Variants in SLC44A5 observed in about 807,000 individuals in gnomAD.
SLC44A5 encodes the protein solute carrier family 44 member 5.
In SLC44A5, 57 loss-of-function variants were observed where a neutral mutation model predicts 101.8. The observed-to-expected ratio is 0.56, with a 90% confidence interval of 0.45 to 0.70. The LOEUF (loss-of-function observed/expected upper bound fraction) is 0.70, where lower values mean the gene tolerates loss of function less well. SLC44A5 is among the 30% of genes least tolerant of loss of function. The pLI is 0.00. For missense variants in SLC44A5, 737 were observed against 853.1 expected, an observed-to-expected ratio of 0.86 and a Z score of 1.70; for synonymous variants, 281 against 290.9, an observed-to-expected ratio of 0.97 and a Z score of 0.35.
rs188228499 is a variant in SLC44A5 at position 75,336,315 on chromosome 1, G to A, written c.101+3267C>T. ...ATTAAAGGCACGCACCACCACACCC[G>A]GCTACTTTTGATATTTTTAGTGGAG... On this transcript the variant is annotated intron_variant, in intron 4 of 23. Transcript: ENST00000370859. Among the ~76,000 whole-genome samples the A allele has an allele frequency of 3.3e-3, 505 of 151,920 alleles. 2 individuals carry two copies. In the Middle Eastern group the frequency reaches 0.051, roughly 15 times the overall value.
chr1:75,434,722 T>A (rs375785449), intron 2 of SLC44A5, among the ~76,000 whole-genome samples: 1 of 152,078 alleles, frequency 6.6e-6, no homozygotes, highest in South Asian at 2.1e-4. Context: ...CACTATTTAG[T>A]CTTTCCACTT....
the SLC44A5 span, among the ~76,000 whole-genome samples, chr1:75,617,788 T>C: frequency 1.3e-5 from 2 of 152,218 alleles, no homozygotes; most frequent in East Asian, 3.8e-4. Context: ...CTCTTCTAGG[T>C]CTTCAAATGT....
At position 75,546,192 on chromosome 1, in the gene SLC44A5, T is replaced by A. The variant is rs867564421; in HGVS notation, c.-69-4676A>T. 7.9e-4 allele frequency among the ~76,000 whole-genome samples: 4 copies of A among 5,074 alleles called. 2 individuals are homozygous for A. Among genetic ancestry groups the A allele is most frequent in the African/African-American group, 4.7e-3 (4 of 856 alleles). 3.3% of individuals were successfully genotyped at this position (5,074 alleles called of 152,430 possible). On this transcript the variant is annotated intron_variant, in intron 1 of 23. Coordinates refer to ENST00000370859, the MANE Select transcript of SLC44A5 (RefSeq NM_001130058.2). ...TTCATAAGACTGTTCAAATTCAAAATTTTTTTTTTTTTTTTTTTTTTTTTT... is the reference window on the plus strand; with the variant it reads ...TTCATAAGACTGTTCAAATTCAAAAATTTTTTTTTTTTTTTTTTTTTTTTT...
chr1:75,629,478 A>C, the SLC44A5 span, among the ~76,000 whole-genome samples: 1 of 152,184 alleles, frequency 6.6e-6, no homozygotes, highest in African/African-American at 2.4e-5. Context: ...CACAGAAAAC[A>C]TTTACTAAAA....
the SLC44A5 span, among the ~76,000 whole-genome samples, chr1:75,673,950 A>C: frequency 6.6e-6 from 1 of 152,316 alleles, no homozygotes; most frequent in African/African-American, 2.4e-5. Context: ...GAAGGAGGAC[A>C]GGTACAAACA....
chr1:75,398,432 G>C, intron 2 of SLC44A5: 8 of 982,854 alleles, frequency 8.1e-6, no homozygotes, highest in Non-Finnish European at 9.7e-6. Flanking sequence ...CTGCCAATGA[G>C]AGGAGAAGGG....
At chr1:75,373,613 C>T (rs1614816) in intron 3 of SLC44A5, among the ~76,000 whole-genome samples, 2 of 151,916 alleles carry the variant, frequency 1.3e-5, no homozygotes, top group African/African-American at 2.4e-5. Context: ...GCTGACTGTT[C>T]GGCCAGGAGA....
At chr1:75,429,917 A>G (rs900525386) in intron 2 of SLC44A5, among the ~76,000 whole-genome samples, 2 of 152,194 alleles carry the variant, frequency 1.3e-5, no homozygotes, top group Non-Finnish European at 2.9e-5. Context: ...CCATATCAAC[A>G]TCTATTGTGC....
chr1:75,237,086 G>A lies in SLC44A5; in HGVS notation c.657-16C>T, dbSNP rs1370097602. ...ATTGATACCACTGCATTGAAAGAAGGGAAAAAATCAATTATTTTTTGATGA... is the reference window on the plus strand; with the variant it reads ...ATTGATACCACTGCATTGAAAGAAGAGAAAAAATCAATTATTTTTTGATGA... On this transcript the variant is annotated splice_polypyrimidine_tract_variant and intron_variant, in intron 10 of 23. Transcript: ENST00000370859. 4.6e-6 allele frequency: 7 copies of A among 1,521,790 alleles called. No individual in the cohort carries two copies. Among genetic ancestry groups the A allele is most frequent in the African/African-American group, 4.1e-5 (3 of 73,314 alleles). 94.3% of individuals were successfully genotyped at this position (1,521,790 alleles called of 1,614,324 possible).
chr1:75,481,381 AAC>A (rs1667836660), intron 2 of SLC44A5, among the ~76,000 whole-genome samples: 2 of 152,202 alleles, frequency 1.3e-5, no homozygotes, highest in African/African-American at 2.4e-5. Flanking sequence ...AAGCAATGGC[AAC>A]AAAAGCCAAA....
chr1:75,337,048 C>T (rs1657498745), intron 4 of SLC44A5, among the ~76,000 whole-genome samples: 1 of 152,128 alleles, frequency 6.6e-6, no homozygotes, highest in Non-Finnish European at 1.5e-5. Flanking sequence ...GAAGTTTAAA[C>T]CCATAAGTGA....
the SLC44A5 span, among the ~76,000 whole-genome samples, chr1:75,663,032 A>G: frequency 6.6e-6 from 1 of 152,184 alleles, no homozygotes; most frequent in South Asian, 2.1e-4. Context: ...ATACATAGTC[A>G]GTTTATACCT....
chr1:75,222,398 T>C lies in SLC44A5; in HGVS notation c.1048A>G (p.Ile350Val). ...TTCAGCAGGATAATGGCGACTCGGA[T>C]TCGATTCCTGAGGAAGATCAGCATG... is the stretch of plus-strand genomic sequence containing the variant. ...ILMLIFLRNRIRVAIILLKEG... is the reference protein window; with the variant it reads ...ILMLIFLRNRVRVAIILLKEG... Residue 350 changes from isoleucine to valine, a missense_variant, in exon 14 of 24, where the codon ATC (isoleucine) becomes GTC (valine). Physicochemically the swap from Ile to Val is conservative, Grantham distance 29. This residue lies in a region of SLC44A5 where 665 missense variants were observed against 764.4 expected (regional missense o/e 0.87). Coordinates refer to ENST00000370859, the MANE Select transcript of SLC44A5 (RefSeq NM_001130058.2). 3 of 1,613,866 alleles carry C rather than the reference T, an allele frequency of 1.9e-6. No homozygotes were observed. Among genetic ancestry groups the C allele is most frequent in the Non-Finnish European group, 2.5e-6 (3 of 1,179,934 alleles).
chr1:75,615,768 C>T (rs1675852585), upstream of SLC44A5: 7 of 818,298 alleles, frequency 8.6e-6, no homozygotes, highest in Non-Finnish European at 1.0e-5. Flanking sequence ...CACTTGGCCG[C>T]GCCTGGATGT....
At chr1:75,314,168 G>C (rs1448397892) in intron 4 of SLC44A5, among the ~76,000 whole-genome samples, 1 of 152,082 alleles carries the variant, frequency 6.6e-6, no homozygotes, top group Non-Finnish European at 1.5e-5. Context: ...AACATTTACA[G>C]TTTATTCCTT....
At chr1:75,402,861 G>A (rs1662586116) in intron 2 of SLC44A5, among the ~76,000 whole-genome samples, 1 of 152,074 alleles carries the variant, frequency 6.6e-6, no homozygotes, top group Admixed American at 6.5e-5. Context: ...TTACTCCCCT[G>A]GAAAGGGTGC....
At chr1:75,430,200 G>T (rs1016613798) in intron 2 of SLC44A5, among the ~76,000 whole-genome samples, 3 of 152,128 alleles carry the variant, frequency 2.0e-5, no homozygotes, top group Non-Finnish European at 4.4e-5. Flanking sequence ...AGGGCTTAAT[G>T]AAGTGAGCTT....
chr1:75,603,187 T>C (rs942150536), intron 1 of SLC44A5, among the ~76,000 whole-genome samples: 3 of 152,078 alleles, frequency 2.0e-5, no homozygotes, highest in Non-Finnish European at 4.4e-5. Flanking sequence ...TTTATGTCTA[T>C]TAGTACCTGT....
Position 75,396,614 on chromosome 1 carries a change from T to C in SLC44A5, c.21A>G (p.Pro7=), listed in dbSNP as rs777543685. Reference sequence around the variant, plus strand: ...CCTCTTCCTCAGAGGGAGTATCTGCTGGTTTTTCTAGGAAAAAGCACAAAA... The same window carrying C: ...CCTCTTCCTCAGAGGGAGTATCTGCCGGTTTTTCTAGGAAAAAGCACAAAA... The part of the protein sequence containing the change: MNDTEK[P]ADTPSEEEDF... The change falls in exon 3 of 24, where the codon CCA becomes CCG. Residue 7 remains proline (P), a synonymous_variant. Transcript: ENST00000370859. 6.2e-7 allele frequency: 1 copy of C among 1,612,978 alleles called. No individual in the cohort carries two copies. Among genetic ancestry groups the C allele is most frequent in the Admixed American group, 1.7e-5 (1 of 59,946 alleles).
Sources: gnomAD v4.1 joint callset for allele counts (sites outside exome capture counted in the v4.1 genomes callset) on GRCh38, gnomAD v4.1.1 for gene constraint, gnomAD v4.1.1 regional missense constraint, MANE v1.5 for transcripts, NCBI Gene and HGNC (gene_info 2026-07-23, HGNC 2026-07-21) for gene names.